Variants in ARK2C observed in about 807,000 individuals in gnomAD.
ARK2C encodes arkadia (RNF111) C-terminal like ring finger ubiquitin ligase 2C, also known as E3 ubiquitin-protein ligase ARK2C.
At chr18:46,427,669 C>T in the ARK2C span, among the ~76,000 whole-genome samples, 1 of 152,250 alleles carries the variant, frequency 6.6e-6, no homozygotes. Flanking sequence ...CGGAGCTTCC[C>T]TCACTCCCCA....
chr18:46,450,044 G>A, the ARK2C span, among the ~76,000 whole-genome samples: 1 of 152,190 alleles, frequency 6.6e-6, no homozygotes. Context: ...AATTAGTCAC[G>A]TTAAGTGCTT....
the ARK2C span, among the ~76,000 whole-genome samples, chr18:46,367,256 G>A: frequency 6.6e-6 from 1 of 152,076 alleles, no homozygotes; most frequent in Non-Finnish European, 1.5e-5. Flanking sequence ...TGTCATACCT[G>A]GCTTTCCAGG....
chr18:46,397,469 T>G, the ARK2C span, among the ~76,000 whole-genome samples: 10 of 90,832 alleles, frequency 1.1e-4, no homozygotes, highest in Admixed American at 2.5e-4. Context: ...TGTGTGTGTG[T>G]GGTCATGCTG....
the ARK2C span, among the ~76,000 whole-genome samples, chr18:46,428,258 A>C: frequency 6.6e-6 from 1 of 152,028 alleles, no homozygotes; most frequent in Non-Finnish European, 1.5e-5. Context: ...AAAATACAAA[A>C]ATTAGCTGGG....
the ARK2C span, among the ~76,000 whole-genome samples, chr18:46,422,312 T>A: frequency 6.6e-6 from 1 of 152,196 alleles, no homozygotes; most frequent in South Asian, 2.1e-4. Context: ...TGCCTCTGAA[T>A]GACTCACAAA....
chr18:46,399,521 G>A, the ARK2C span, among the ~76,000 whole-genome samples: 1 of 152,194 alleles, frequency 6.6e-6, no homozygotes, highest in African/African-American at 2.4e-5. Flanking sequence ...CTGATGTAGT[G>A]GAGAACAGAG....
the ARK2C span, among the ~76,000 whole-genome samples, chr18:46,409,088 G>A: frequency 6.6e-6 from 1 of 152,186 alleles, no homozygotes; most frequent in Non-Finnish European, 1.5e-5. Flanking sequence ...GTTAATATAT[G>A]TGGAGCACCT....
chr18:46,426,770 T>C, the ARK2C span, among the ~76,000 whole-genome samples: 61 of 152,250 alleles, frequency 4.0e-4, no homozygotes, highest in Non-Finnish European at 7.9e-4. Flanking sequence ...ATTATTTAGC[T>C]CATAATGGGT....
chr18:46,367,836 T>G, the ARK2C span, among the ~76,000 whole-genome samples: 1 of 152,184 alleles, frequency 6.6e-6, no homozygotes, highest in Non-Finnish European at 1.5e-5. Flanking sequence ...ACAATTCGGA[T>G]TTCTCGGCTC....
the ARK2C span, among the ~76,000 whole-genome samples, chr18:46,378,406 A>G: frequency 1.3e-5 from 2 of 152,170 alleles, no homozygotes; most frequent in Non-Finnish European, 2.9e-5. Context: ...AGCCTGGGGC[A>G]TGTCCTCCAG....
At chr18:46,433,493 T>C in the ARK2C span, 1 of 1,607,458 alleles carries the variant, frequency 6.2e-7, no homozygotes, top group Non-Finnish European at 8.5e-7. Flanking sequence ...CGCAGGCTGG[T>C]CTCGCACCCC....
chr18:46,447,309 G>T, the ARK2C span: 1 of 424,684 alleles, frequency 2.4e-6, no homozygotes, highest in Non-Finnish European at 4.2e-6. Flanking sequence ...AGGGAGCTTT[G>T]GTCCCCTAGT....
At chr18:46,393,451 T>C in the ARK2C span, among the ~76,000 whole-genome samples, 147 of 152,312 alleles carry the variant, frequency 9.7e-4, no homozygotes, top group African/African-American at 3.1e-3. Flanking sequence ...TTTCCTCTTC[T>C]GGCCCAGGGC....
chr18:46,380,162 T>C, the ARK2C span, among the ~76,000 whole-genome samples: 1 of 152,220 alleles, frequency 6.6e-6, no homozygotes, highest in South Asian at 2.1e-4. Flanking sequence ...GTCTCTGCCT[T>C]GGTTTCCTCT....
chr18:46,400,444 CCT>C, the ARK2C span, among the ~76,000 whole-genome samples: 1 of 152,162 alleles, frequency 6.6e-6, no homozygotes. Context: ...CATTATGGCC[CCT>C]GTCACCTCTT....
chr18:46,380,294 A>G, the ARK2C span, among the ~76,000 whole-genome samples: 1 of 152,210 alleles, frequency 6.6e-6, no homozygotes, highest in Admixed American at 6.5e-5. Flanking sequence ...GCGTCTTGGA[A>G]GATGGTGCCC....
the ARK2C span, among the ~76,000 whole-genome samples, chr18:46,399,890 C>A: frequency 4.6e-5 from 7 of 152,212 alleles, no homozygotes; most frequent in African/African-American, 1.2e-4. Context: ...CCCTCACAAC[C>A]CACATGGCAG....
chr18:46,404,309 T>C, the ARK2C span, among the ~76,000 whole-genome samples: 1 of 152,292 alleles, frequency 6.6e-6, no homozygotes, highest in East Asian at 1.9e-4. Context: ...TCTCTTAAGC[T>C]AATGAATTAT....
chr18:46,384,003 A>G, the ARK2C span, among the ~76,000 whole-genome samples: 2 of 152,236 alleles, frequency 1.3e-5, no homozygotes, highest in African/African-American at 2.4e-5. Flanking sequence ...AAAAGGACAC[A>G]CAGTCCTCTT....
Sources: gnomAD v4.1 joint callset for allele counts (sites outside exome capture counted in the v4.1 genomes callset) on GRCh38, gnomAD v4.1.1 for gene constraint, MANE v1.5 for transcripts, NCBI Gene and HGNC (gene_info 2026-07-23, HGNC 2026-07-21) for gene names.